Variants in TTYH3 observed in about 807,000 individuals in gnomAD.
TTYH3 encodes protein tweety homolog 3.
Under a neutral mutation model 68.2 loss-of-function variants are expected in TTYH3, and 23 were observed. The observed-to-expected ratio is 0.34, with a 90% CI of 0.24 to 0.48. TTYH3 has a LOEUF of 0.48. Ranked by LOEUF, TTYH3 falls within the 20% of genes least tolerant of loss-of-function variation. The probability of loss-of-function intolerance (pLI) is 0.99; values close to 1 mark genes in which losing one functional copy is unlikely to be tolerated. For missense variants in TTYH3, 768 were observed against 727.7 expected (o/e 1.06, Z -0.64); for synonymous variants, 360 against 332.8 (o/e 1.08, Z -0.89).
At chr7:2,634,215 G>A (rs1433822531) in intron 1 of TTYH3, among the ~76,000 whole-genome samples, 2 of 152,176 alleles carry the variant, frequency 1.3e-5, no homozygotes, top group Non-Finnish European at 2.9e-5. Context: ...TGGTCCTGGC[G>A]TGCGTCCTGC....
rs1278853135 is a variant in TTYH3 at position 2,648,886 on chromosome 7, T to G, written c.723-681T>G. Among the ~76,000 whole-genome samples, 39 of 92,408 alleles carry G rather than the reference T, an allele frequency of 4.2e-4. 1 individual carries two copies. The East Asian group carries it at 9.8e-3, about 23-fold the overall frequency. The allele number at this position is 92,408 out of a possible 152,430, so 60.6% of individuals were successfully genotyped here. On this transcript the variant is annotated intron_variant, in intron 5 of 13. Transcript: ENST00000258796. ...CAGTGTGCAGTGGGTTGTGGGGTCC[T>G]CAGTGGGGTGTGCAGGCCTGCAGTG...
At chr7:2,648,893 G>C (rs1786077027) in intron 5 of TTYH3, among the ~76,000 whole-genome samples, 1 of 151,834 alleles carries the variant, frequency 6.6e-6, no homozygotes. Context: ...TCCTCAGTGG[G>C]GTGTGCAGGC....
rs1006204130 is a variant in TTYH3, at chr7:2,644,866, A to G, written c.124-1987A>G. The stretch of plus-strand genomic sequence containing the variant: ...GGAGGGCAGGACACGGCATCCTCCC[A>G]CTGCCTGGCAACCGTCTCCTGGGAG... On this transcript the variant is annotated intron_variant, in intron 1 of 13. Transcript: ENST00000258796. Among the ~76,000 whole-genome samples, 3 of 152,190 alleles carry G rather than the reference A, an allele frequency of 2.0e-5. No homozygotes were observed. The South Asian group carries it at 6.2e-4, about 31-fold the overall frequency.
intron 1 of TTYH3, among the ~76,000 whole-genome samples, chr7:2,642,060 C>T (rs1027366703): frequency 3.3e-5 from 5 of 152,330 alleles, no homozygotes; most frequent in African/African-American, 1.2e-4. Context: ...GGCTGAGGAG[C>T]GAGGCTCCGT....
intron 1 of TTYH3, among the ~76,000 whole-genome samples, chr7:2,637,973 A>G (rs950850867): frequency 1.3e-5 from 2 of 152,156 alleles, no homozygotes; most frequent in African/African-American, 4.8e-5. Flanking sequence ...TGAGGAGGGT[A>G]CCAGCCACAG....
At chr7:2,653,147 A>AGG in intron 9 of TTYH3, 137 bp downstream of exon 9, 1 of 713,524 alleles carries the variant, frequency 1.4e-6, no homozygotes, top group Non-Finnish European at 2.3e-6. Context: ...CTGGTGTTGG[A>AGG]GGTGGCATGG....
At chr7:2,634,651 C>G (rs992739560) in intron 1 of TTYH3, among the ~76,000 whole-genome samples, 1 of 152,052 alleles carries the variant, frequency 6.6e-6, no homozygotes, top group Non-Finnish European at 1.5e-5. Flanking sequence ...TTCTGGCCCC[C>G]GTGGTCTGCT....
chr7:2,657,332 ATGATGG>A (rs1315026186), intron 11 of TTYH3, among the ~76,000 whole-genome samples: 5 of 150,250 alleles, frequency 3.3e-5, no homozygotes, highest in South Asian at 2.1e-4. Flanking sequence ...GATGGTGGTA[ATGATGG>A]TGATGGTGAT....
intron 1 of TTYH3, among the ~76,000 whole-genome samples, chr7:2,642,089 A>T (rs1211139804): frequency 6.6e-6 from 1 of 152,242 alleles, no homozygotes; most frequent in Non-Finnish European, 1.5e-5. Context: ...GGCCCCATCC[A>T]GGCAAGAACA....
rs186498816 is a variant in TTYH3 at position 2,651,179 on chromosome 7, T to C, written c.872-1008T>C. On this transcript the variant is annotated intron_variant, in intron 7 of 13. Transcript: ENST00000258796. ...TTCTCAGGCCCCCCTTGTGGAATTA[T>C]TGTGTGTTCCCCAATAGGAAATAGA... Among the ~76,000 whole-genome samples the C allele has an allele frequency of 3.6e-3, 550 of 152,190 alleles. 1 individual carries two copies. Among genetic ancestry groups the C allele is most frequent in the Non-Finnish European group, 4.6e-3 (311 of 67,982 alleles).
intron 11 of TTYH3, 102 bp downstream of exon 11, chr7:2,656,636 G>C: frequency 7.1e-7 from 1 of 1,413,844 alleles, no homozygotes; most frequent in Non-Finnish European, 9.4e-7. Flanking sequence ...CAGTCCCAGA[G>C]GTGAGGGACA....
At position 2,662,048 on chromosome 7, in the gene TTYH3, C is replaced by T. The variant is rs553258916; in HGVS notation, c.*309C>T. 285 of 548,988 alleles carry T rather than the reference C, an allele frequency of 5.2e-4. 1 individual carries two copies. Among genetic ancestry groups the T allele is most frequent in the African/African-American group, 1.4e-3 (75 of 52,044 alleles). 34.0% of individuals were successfully genotyped at this position (548,988 alleles called of 1,614,324 possible). A position where few individuals can be genotyped will look rare whatever the true frequency, so the allele number is the denominator to read the frequency against. On this transcript the variant is annotated 3_prime_UTR_variant, in exon 14 of 14. Coordinates refer to ENST00000258796, the MANE Select transcript of TTYH3 (RefSeq NM_025250.3). ...GGTCGCCGCACCTACAAGCCCTGGCCGCACCCAACCTGTGTTGTTGCCGCC... is the reference window on the plus strand; with the variant it reads ...GGTCGCCGCACCTACAAGCCCTGGCTGCACCCAACCTGTGTTGTTGCCGCC...
chr7:2,637,530 C>T (rs1032994788), intron 1 of TTYH3, among the ~76,000 whole-genome samples: 2 of 152,164 alleles, frequency 1.3e-5, no homozygotes, highest in Admixed American at 6.5e-5. Flanking sequence ...CAGCACAGTT[C>T]GTGAACCCAG....
chr7:2,646,897 G>T lies in TTYH3; in HGVS notation c.168G>T (p.Leu56=). 6.3e-7 allele frequency: 1 copy of T among 1,598,912 alleles called. No individual in the cohort carries two copies. ...CCGCCGCCCTGGCCTGCCTCGCCCTGGACCTCCTCTTCCTGCTCTTCTACT... is the reference window on the plus strand; with the variant it reads ...CCGCCGCCCTGGCCTGCCTCGCCCTTGACCTCCTCTTCCTGCTCTTCTACT... ...LGAAALACLA[L]DLLFLLFYSF... is the part of the protein sequence containing the mutation. Residue 56 remains leucine (L), a synonymous_variant, in exon 2 of 14, where the codon CTG becomes CTT. Coordinates refer to ENST00000258796, the MANE Select transcript of TTYH3 (RefSeq NM_025250.3).
chr7:2,643,896 G>A (rs1243437229), intron 1 of TTYH3, among the ~76,000 whole-genome samples: 2 of 152,326 alleles, frequency 1.3e-5, no homozygotes, highest in South Asian at 2.1e-4. Flanking sequence ...GAGTTTCCCT[G>A]CGAGGCTGTG....
At position 2,656,296 on chromosome 7, in the gene TTYH3, T is replaced by G. The variant is rs1786331901; in HGVS notation, c.1114-102T>G. 1.9e-6 allele frequency: 3 copies of G among 1,566,628 alleles called. No homozygotes were observed. The Admixed American group carries it at 5.2e-5, about 27-fold the overall frequency. Reference sequence around the variant, plus strand: ...CAGACAGTGGGTCCTCAGCCCTGCCTCTGGGGGGCGGTCCAGGCCGCCGTG... The same window carrying G: ...CAGACAGTGGGTCCTCAGCCCTGCCGCTGGGGGGCGGTCCAGGCCGCCGTG... On this transcript the variant is annotated intron_variant, in intron 10 of 13. Transcript: ENST00000258796.
In TTYH3 at chr7:2,659,077, C is replaced by G. The variant is rs540222033; in HGVS notation, c.1500+62C>G. 351 of 1,508,002 alleles carry G rather than the reference C, an allele frequency of 2.3e-4. 3 individuals are homozygous for G. In the African/African-American group the frequency reaches 4.5e-3, roughly 19 times the overall value. The allele number at this position is 1,508,002 out of a possible 1,614,324, so 93.4% of individuals were successfully genotyped here. On this transcript the variant is annotated intron_variant, in intron 13 of 13. Transcript: ENST00000258796. ...TCAGCCTTGGGGGTCCGCTGTTCCA[C>G]TGCGTCGGTGGGCTGGTGTGGCATG...
chr7:2,641,173 T>C (rs1385647611), intron 1 of TTYH3, among the ~76,000 whole-genome samples: 3 of 152,178 alleles, frequency 2.0e-5, no homozygotes, highest in African/African-American at 7.2e-5. Flanking sequence ...GAGGTCTTGC[T>C]CTGGCCCAGG....
chr7:2,645,850 G>C lies in TTYH3; in HGVS notation c.124-1003G>C. ...TCCCTACCAGACCTGAAAACCTCAG[G>C]ACTACAGCTGGGGTGGGGGATCCTG... On this transcript the variant is annotated intron_variant, in intron 1 of 13. Coordinates refer to ENST00000258796, the MANE Select transcript of TTYH3 (RefSeq NM_025250.3). This position sits in a 1 kb window ranked among gnomAD's most constrained non-coding sequence, Gnocchi z 4.8. 1 of 470,818 alleles carries C rather than the reference G, an allele frequency of 2.1e-6. No individual in the cohort carries two copies. The highest frequency in any genetic ancestry group is 1.5e-5 in the South Asian group (1 of 64,560). The allele number at this position is 470,818 out of a possible 1,614,324, so 29.2% of individuals were successfully genotyped here. A position where few individuals can be genotyped will look rare whatever the true frequency, so the allele number is the denominator to read the frequency against.
Sources: gnomAD v4.1 joint callset for allele counts (sites outside exome capture counted in the v4.1 genomes callset) on GRCh38, gnomAD v4.1.1 for gene constraint, Gnocchi (gnomAD v3.1) non-coding constraint, MANE v1.5 for transcripts, NCBI Gene and HGNC (gene_info 2026-07-23, HGNC 2026-07-21) for gene names.